Variants in SCFD2 observed in about 807,000 individuals in gnomAD.
The protein encoded by SCFD2 is sec1 family domain containing 2, also known as sec1 family domain-containing protein 2.
Under a neutral mutation model 58.9 loss-of-function variants are expected in SCFD2, and 54 were observed. That is an observed-to-expected ratio of 0.92 (90% CI 0.74 to 1.15). The LOEUF (loss-of-function observed/expected upper bound fraction) is 1.15. SCFD2 is among the 50% of genes most tolerant of loss of function. SCFD2 has a pLI of 0.00. For synonymous variants in SCFD2, 321 were observed against 335.9 expected, an observed-to-expected ratio of 0.96 and a Z score of 0.49; for missense variants, 805 against 836.6, an observed-to-expected ratio of 0.96 and a Z score of 0.47.
chr4:53,315,915 C>T (rs554446277), intron 2 of SCFD2, among the ~76,000 whole-genome samples: 2 of 152,106 alleles, frequency 1.3e-5, no homozygotes, highest in Non-Finnish European at 2.9e-5. Flanking sequence ...TTATGGACTC[C>T]GCAGTCAGAT....
chr4:52,966,841 C>T (rs1720975519), intron 5 of SCFD2, among the ~76,000 whole-genome samples: 1 of 152,030 alleles, frequency 6.6e-6, no homozygotes, highest in Non-Finnish European at 1.5e-5. Flanking sequence ...TTGTGTAAAG[C>T]TCATGTATAT....
intron 4 of SCFD2, among the ~76,000 whole-genome samples, chr4:53,197,644 G>A (rs1454204176): frequency 6.7e-6 from 1 of 149,560 alleles, no homozygotes; most frequent in Non-Finnish European, 1.5e-5. Flanking sequence ...CTGTTTAGCA[G>A]TGAAAGAACT....
intron 4 of SCFD2, among the ~76,000 whole-genome samples, chr4:53,228,530 T>C (rs1054985398): frequency 3.9e-5 from 6 of 152,178 alleles, no homozygotes; most frequent in African/African-American, 1.4e-4. Context: ...TTTCTATATC[T>C]CAGATATTGA....
At chr4:53,179,279 C>T (rs1727458016) in intron 4 of SCFD2, among the ~76,000 whole-genome samples, 1 of 152,120 alleles carries the variant, frequency 6.6e-6, no homozygotes, top group African/African-American at 2.4e-5. Flanking sequence ...AAAGGGAAGC[C>T]CATCAGACTA....
At chr4:53,003,282 T>C (rs1408440555) in intron 5 of SCFD2, among the ~76,000 whole-genome samples, 2 of 152,236 alleles carry the variant, frequency 1.3e-5, no homozygotes, top group Non-Finnish European at 2.9e-5. Context: ...GACACGGATC[T>C]CTGTCCTCAT....
intron 5 of SCFD2, among the ~76,000 whole-genome samples, chr4:53,033,585 GAAGAA>G (rs1560307734): frequency 1.3e-5 from 2 of 151,954 alleles, no homozygotes; most frequent in Non-Finnish European, 2.9e-5. Flanking sequence ...GAATAATAAA[GAAGAA>G]AAGAGAGAAG....
At chr4:53,204,372 T>TA (rs906981245) in intron 4 of SCFD2, among the ~76,000 whole-genome samples, 23 of 151,772 alleles carry the variant, frequency 1.5e-4, no homozygotes, top group East Asian at 3.9e-4. Flanking sequence ...ATTGTATCCA[T>TA]AAAAAATAAC....
At chr4:52,940,866 T>C (rs1212109903) in intron 5 of SCFD2, among the ~76,000 whole-genome samples, 2 of 152,152 alleles carry the variant, frequency 1.3e-5, no homozygotes, top group East Asian at 3.9e-4. Flanking sequence ...GCATGTTCTT[T>C]AGGGGAGGAC....
intron 5 of SCFD2, among the ~76,000 whole-genome samples, chr4:52,972,473 T>C (rs909884012): frequency 6.6e-6 from 1 of 152,186 alleles, no homozygotes; most frequent in Non-Finnish European, 1.5e-5. Flanking sequence ...CTCACTATCC[T>C]AAATATATAT....
chr4:53,323,088 G>C (rs147453052), intron 2 of SCFD2, among the ~76,000 whole-genome samples: 1 of 152,296 alleles, frequency 6.6e-6, no homozygotes, highest in South Asian at 2.1e-4. Flanking sequence ...TGACACCATT[G>C]TGTCTATATG....
At chr4:53,147,885 T>A (rs895087304) in intron 4 of SCFD2, among the ~76,000 whole-genome samples, 2 of 152,196 alleles carry the variant, frequency 1.3e-5, no homozygotes, top group Non-Finnish European at 1.5e-5. Context: ...AGCCCATGGA[T>A]CATGGGTTGG....
intron 4 of SCFD2, among the ~76,000 whole-genome samples, chr4:53,239,629 C>A (rs1041119773): frequency 1.3e-5 from 2 of 152,250 alleles, no homozygotes; most frequent in African/African-American, 4.8e-5. Flanking sequence ...GGATTACAGG[C>A]ATGTGCCACC....
intron 4 of SCFD2, among the ~76,000 whole-genome samples, chr4:53,213,684 C>T (rs564932056): frequency 6.6e-6 from 1 of 151,684 alleles, no homozygotes; most frequent in Admixed American, 6.6e-5. Context: ...TTATAAAGTT[C>T]TAGGGTACAT....
chr4:52,877,613 C>T lies in SCFD2; in HGVS notation c.1963-3552G>A, dbSNP rs557115473. ...GAACATCTTCGTAAAATATCTGACA[C>T]AATGACAGGCTCTAGAGGGGCTTAG... On this transcript the variant is annotated intron_variant, in intron 8 of 8. Coordinates refer to ENST00000401642, the MANE Select transcript of SCFD2 (RefSeq NM_152540.4). Among the ~76,000 whole-genome samples the T allele has an allele frequency of 7.6e-4, 116 of 152,336 alleles. No homozygotes were observed. In the Middle Eastern group the frequency reaches 0.01, roughly 13 times the overall value.
intron 4 of SCFD2, among the ~76,000 whole-genome samples, chr4:53,181,443 C>T (rs1272583719): frequency 6.6e-6 from 1 of 152,084 alleles, no homozygotes; most frequent in Admixed American, 6.5e-5. Flanking sequence ...AGGCCTTTGA[C>T]AAAATTCAAC....
chr4:53,145,143 T>C (rs1726287240), intron 5 of SCFD2, among the ~76,000 whole-genome samples, 190 bp downstream of exon 5: 1 of 152,184 alleles, frequency 6.6e-6, no homozygotes, highest in Non-Finnish European at 1.5e-5. Context: ...CCCTGTCCCC[T>C]GATGGCTGCC....
At chr4:53,100,874 T>C (rs1435513544) in intron 5 of SCFD2, among the ~76,000 whole-genome samples, 2 of 152,112 alleles carry the variant, frequency 1.3e-5, no homozygotes, top group Non-Finnish European at 2.9e-5. Flanking sequence ...TTCATTAAAA[T>C]CTCATGACTA....
At chr4:52,980,032 A>G (rs895647739) in intron 5 of SCFD2, among the ~76,000 whole-genome samples, 2 of 152,192 alleles carry the variant, frequency 1.3e-5, no homozygotes, top group Non-Finnish European at 2.9e-5. Context: ...ATTTACACTG[A>G]CTACAAAGTG....
intron 5 of SCFD2, among the ~76,000 whole-genome samples, chr4:53,020,879 G>A (rs529707499): frequency 5.8e-4 from 88 of 152,114 alleles, no homozygotes; most frequent in Non-Finnish European, 1.2e-3. Context: ...ATGAAAATTT[G>A]GTGTGAAGGG....
Sources: gnomAD v4.1 joint callset for allele counts (sites outside exome capture counted in the v4.1 genomes callset) on GRCh38, gnomAD v4.1.1 for gene constraint, MANE v1.5 for transcripts, NCBI Gene and HGNC (gene_info 2026-07-23, HGNC 2026-07-21) for gene names.